Variants in ASTN2 observed in about 807,000 individuals in gnomAD.
ASTN2 encodes astrotactin-2.
In ASTN2, 54 loss-of-function variants were observed where a neutral mutation model predicts 139.8. That is an observed-to-expected ratio of 0.39 (90% confidence interval 0.31 to 0.48). The LOEUF is 0.48. Ranked by LOEUF, ASTN2 falls within the 20% of genes least tolerant of loss-of-function variation. The probability of loss-of-function intolerance (pLI) is 0.95; values close to 1 mark genes in which losing one functional copy is unlikely to be tolerated. For missense variants in ASTN2, 1,565 were observed against 1,725.1 expected (o/e 0.91, Z 1.64); for synonymous variants, 756 against 719.5 (o/e 1.05, Z -0.81).
intron 20 of ASTN2, among the ~76,000 whole-genome samples, chr9:116,463,258 C>A (rs1848547441): frequency 6.6e-6 from 1 of 152,164 alleles, no homozygotes; most frequent in African/African-American, 2.4e-5. Context: ...CCACCCTAAT[C>A]TGTTCATCAC....
chr9:116,816,870 ATTCCT>A lies in ASTN2; in HGVS notation c.2207+3742_2207+3746del, dbSNP rs368454782. On this transcript the variant is annotated intron_variant, in intron 12 of 22. Transcript: ENST00000313400. Reference sequence around the variant, plus strand: ...TAAGAATTTGAGACAAAATGTAAATATTCCTTTCCCTTGTAGGTAGAAATGAAAAT... The same window carrying A: ...TAAGAATTTGAGACAAAATGTAAATATTCCCTTGTAGGTAGAAATGAAAAT... Among the ~76,000 whole-genome samples, 752 of 126,284 alleles carry A rather than the reference ATTCCT, an allele frequency of 6.0e-3. 8 individuals carry two copies. Among genetic ancestry groups the A allele is most frequent in the African/African-American group, 0.02 (699 of 35,466 alleles). 82.8% of individuals were successfully genotyped at this position (126,284 alleles called of 152,430 possible).
chr9:117,016,593 TA>T (rs1435031603), intron 6 of ASTN2, among the ~76,000 whole-genome samples: 21,312 of 51,700 alleles, frequency 0.41, 3,682 homozygotes, highest in Middle Eastern at 0.51. Flanking sequence ...TTCTAGGTTT[TA>T]TATATATATC....
At chr9:117,265,066 A>G (rs1833911493) in intron 2 of ASTN2, among the ~76,000 whole-genome samples, 1 of 152,186 alleles carries the variant, frequency 6.6e-6, no homozygotes, top group South Asian at 2.1e-4. Flanking sequence ...TCTGAGCCCA[A>G]AATCCCTGGT....
intron 3 of ASTN2, among the ~76,000 whole-genome samples, chr9:117,170,801 G>A (rs984153076): frequency 6.6e-6 from 1 of 152,072 alleles, no homozygotes; most frequent in African/African-American, 2.4e-5. Flanking sequence ...AAGAGGCAGG[G>A]AGCAGAGTGA....
intron 19 of ASTN2, among the ~76,000 whole-genome samples, chr9:116,542,980 G>C (rs1851936714): frequency 7.3e-6 from 1 of 137,820 alleles, no homozygotes. Flanking sequence ...TTCACCTTTG[G>C]AATCATCCAG....
chr9:116,863,618 C>G lies in ASTN2; in HGVS notation c.2005G>C (p.Val669Leu). 1 of 1,614,176 alleles carries G rather than the reference C, an allele frequency of 6.2e-7. No individual in the cohort carries two copies. Residue 669 changes from valine to leucine, a missense_variant, in exon 11 of 23, where the codon GTG becomes CTG. Coordinates refer to ENST00000313400, the MANE Select transcript of ASTN2 (RefSeq NM_001365068.1). Reference sequence around the variant, plus strand: ...GAGGAATCCACCTGCCGGTCAGACACACACTTGAAGTTGCGAGTGCAGCCC... The same window carrying G: ...GAGGAATCCACCTGCCGGTCAGACAGACACTTGAAGTTGCGAGTGCAGCCC... ...NGGCTRNFKC[V>L]SDRQVDSSGC... is the part of the protein sequence containing the mutation.
intron 5 of ASTN2, among the ~76,000 whole-genome samples, chr9:117,050,937 G>A (rs1194967525): frequency 2.6e-5 from 4 of 152,002 alleles, no homozygotes; most frequent in Admixed American, 2.0e-4. Flanking sequence ...CCCATATGTT[G>A]TCCTTTCTAC....
chr9:117,347,716 C>A (rs1001766874), intron 1 of ASTN2, among the ~76,000 whole-genome samples: 6 of 152,242 alleles, frequency 3.9e-5, no homozygotes, highest in African/African-American at 1.4e-4. Context: ...GTGGCTACAA[C>A]CACACAAAGA....
chr9:116,921,363 C>T lies in ASTN2; in HGVS notation c.1889+53845G>A, dbSNP rs536626726. On this transcript the variant is annotated intron_variant, in intron 10 of 22. Transcript: ENST00000313400. ...CAGCACTTTGGGAGGCTGAGGCGGG[C>T]GGATCACATGGTCAGGAGATTGAGA... is the stretch of plus-strand genomic sequence containing the variant. Among the ~76,000 whole-genome samples, 8 of 151,840 alleles carry T rather than the reference C, an allele frequency of 5.3e-5. No homozygotes were observed. The South Asian group carries it at 1.5e-3, about 28-fold the overall frequency.
intron 1 of ASTN2, among the ~76,000 whole-genome samples, chr9:117,295,321 T>TAAAA (rs1564131413): frequency 4.0e-5 from 6 of 151,618 alleles, no homozygotes; most frequent in Non-Finnish European, 7.4e-5. Context: ...GACCCTGTCT[T>TAAAA]TAAAATAAAA....
chr9:116,687,793 G>A (rs145449915), intron 16 of ASTN2, among the ~76,000 whole-genome samples: 1 of 151,962 alleles, frequency 6.6e-6, no homozygotes, highest in Admixed American at 6.5e-5. Flanking sequence ...GATGAGATTT[G>A]AGGAAATCTG....
intron 13 of ASTN2, among the ~76,000 whole-genome samples, chr9:116,770,200 T>C (rs112068609): frequency 1.7e-3 from 253 of 152,032 alleles, no homozygotes; most frequent in African/African-American, 5.7e-3. Context: ...CCAGCCGATA[T>C]TGGAGAACAT....
chr9:116,828,337 A>G (rs1159144383), intron 11 of ASTN2, among the ~76,000 whole-genome samples: 1 of 152,044 alleles, frequency 6.6e-6, no homozygotes, highest in Non-Finnish European at 1.5e-5. Context: ...GTCGAATCCA[A>G]CAGCACATCA....
At chr9:116,451,452 A>T (rs1335711606) in intron 20 of ASTN2, among the ~76,000 whole-genome samples, 2 of 65,332 alleles carry the variant, frequency 3.1e-5, no homozygotes, top group Admixed American at 1.3e-4. Flanking sequence ...AAACACCCAT[A>T]AAAAAAAAAA....
intron 4 of ASTN2, among the ~76,000 whole-genome samples, chr9:117,128,817 A>G (rs544900447): frequency 6.6e-6 from 1 of 152,232 alleles, no homozygotes; most frequent in Non-Finnish European, 1.5e-5. Flanking sequence ...ATCATGGCGG[A>G]AGGCAAGGAG....
intron 19 of ASTN2, among the ~76,000 whole-genome samples, chr9:116,515,614 G>A (rs1179104463): frequency 2.0e-5 from 3 of 152,118 alleles, no homozygotes; most frequent in Non-Finnish European, 4.4e-5. Context: ...TCTACTTTTG[G>A]ACTTCTGGTA....
chr9:116,515,664 G>A (rs567871909), intron 19 of ASTN2, among the ~76,000 whole-genome samples: 2 of 152,244 alleles, frequency 1.3e-5, no homozygotes, highest in South Asian at 4.1e-4. Context: ...AAATGCATTT[G>A]AGTTGAGGTT....
intron 19 of ASTN2, among the ~76,000 whole-genome samples, chr9:116,542,656 C>T (rs895104106): frequency 6.6e-6 from 1 of 152,144 alleles, no homozygotes; most frequent in African/African-American, 2.4e-5. Flanking sequence ...GGTGTGGTGG[C>T]TCATACCTGT....
chr9:117,414,729 C>T lies in ASTN2; in HGVS notation c.210G>A (p.Val70=), dbSNP rs534152118. The T allele has an allele frequency of 1.7e-4, 212 of 1,277,958 alleles. No individual in the cohort carries two copies. The highest frequency in any genetic ancestry group is 2.0e-4 in the Non-Finnish European group (201 of 1,011,586). The allele number at this position is 1,277,958 out of a possible 1,614,324, so 79.2% of individuals were successfully genotyped here. A position where few individuals can be genotyped will look rare whatever the true frequency, so the allele number is the denominator to read the frequency against. ...TCTCCCGCAGGGCGGGCAGTGTGGA[C>T]ACCGTGACGGTCTTCAGCCGGCACG... ...DSPCRLKTVT[V]STLPALRESD... Residue 70 remains valine, a synonymous_variant, in exon 1 of 23, where the codon GTG becomes GTA. Transcript: ENST00000313400. This position sits in a 1 kb window ranked among gnomAD's most constrained non-coding sequence, Gnocchi z 4.2.
Sources: gnomAD v4.1 joint callset for allele counts (sites outside exome capture counted in the v4.1 genomes callset) on GRCh38, gnomAD v4.1.1 for gene constraint, Gnocchi (gnomAD v3.1) non-coding constraint, MANE v1.5 for transcripts, NCBI Gene and HGNC (gene_info 2026-07-23, HGNC 2026-07-21) for gene names.